EXPH5: variants seen among roughly 807,000 people sequenced by gnomAD.
The protein encoded by EXPH5 is exophilin 5.
Under a neutral mutation model 41.1 loss-of-function variants are expected in EXPH5, and 42 were observed. The ratio of observed to expected loss-of-function variants is 1.02; its 90% CI spans 0.80 to 1.32. The LOEUF (loss-of-function observed/expected upper bound fraction) is 1.32. Ranked by LOEUF, EXPH5 falls within the 40% of genes most tolerant of loss-of-function variation. EXPH5 has a pLI of 0.00. For synonymous variants in EXPH5, 798 were observed against 833.5 expected (o/e 0.96, Z 0.73); for missense variants, 2,298 against 2,314.5 (o/e 0.99, Z 0.15).
chr11:108,580,604 T>G (rs1051320604), intron 1 of EXPH5, among the ~76,000 whole-genome samples: 4 of 152,328 alleles, frequency 2.6e-5, no homozygotes, highest in African/African-American at 9.6e-5. Flanking sequence ...ATAGCTATAC[T>G]TCTATATTTA....
upstream of EXPH5, among the ~76,000 whole-genome samples, chr11:108,593,987 G>A (rs1337330904): frequency 6.6e-6 from 1 of 151,832 alleles, no homozygotes; most frequent in Non-Finnish European, 1.5e-5. Flanking sequence ...CAAAGTATTT[G>A]CTTTTGCTGT....
In EXPH5 at chr11:108,593,405, AT is replaced by A. The variant is rs1432693736; in HGVS notation, c.119+12del. 6.2e-7 allele frequency: 1 copy of A among 1,608,750 alleles called. No individual in the cohort carries two copies. The highest frequency in any genetic ancestry group is 8.5e-7 in the Non-Finnish European group (1 of 1,175,352). ...CCCAGGCCCAGGACAAAAGAAATGA[AT>A]TTGCTCTGTACCTGATCCTGTCCTT... On this transcript the variant is annotated intron_variant, in intron 1 of 5. Transcript: ENST00000265843.
intron 3 of EXPH5, among the ~76,000 whole-genome samples, chr11:108,533,267 G>A (rs558774601): frequency 1.1e-4 from 16 of 151,058 alleles, no homozygotes; most frequent in African/African-American, 3.6e-4. Context: ...GCAGTGGTGC[G>A]ATCTCAGCTC....
intron 1 of EXPH5, among the ~76,000 whole-genome samples, chr11:108,544,137 T>C (rs1173958466): frequency 1.3e-5 from 2 of 152,156 alleles, no homozygotes; most frequent in Admixed American, 6.6e-5. Context: ...AACAACATTT[T>C]CCCCCGTACA....
intron 1 of EXPH5, among the ~76,000 whole-genome samples, chr11:108,582,770 G>T (rs74745826): frequency 6.6e-6 from 1 of 152,180 alleles, no homozygotes; most frequent in Non-Finnish European, 1.5e-5. Flanking sequence ...GTCTGTTCCA[G>T]GCCTCTCTCC....
chr11:108,553,343 C>T (rs920455706), intron 1 of EXPH5, among the ~76,000 whole-genome samples: 1 of 152,104 alleles, frequency 6.6e-6, no homozygotes. Flanking sequence ...ATCACAGTGC[C>T]CTTGGTCTCT....
At chr11:108,592,221 A>G (rs1055975436) in intron 1 of EXPH5, among the ~76,000 whole-genome samples, 8 of 152,186 alleles carry the variant, frequency 5.3e-5, no homozygotes, top group East Asian at 1.9e-4. Context: ...TATGAAATCC[A>G]TATTCCCCAA....
At chr11:108,602,652 G>A in the EXPH5 span, among the ~76,000 whole-genome samples, 2 of 151,922 alleles carry the variant, frequency 1.3e-5, no homozygotes, top group African/African-American at 4.8e-5. Flanking sequence ...GCTCAAGCGA[G>A]TCTACCATGT....
At chr11:108,531,473 G>A (rs1015974894) in intron 3 of EXPH5, among the ~76,000 whole-genome samples, 8 of 152,050 alleles carry the variant, frequency 5.3e-5, no homozygotes, top group African/African-American at 1.9e-4. Context: ...TATGACATAA[G>A]GCTTTTCTTT....
chr11:108,575,111 G>A (rs1032944547), intron 1 of EXPH5, among the ~76,000 whole-genome samples: 1 of 152,190 alleles, frequency 6.6e-6, no homozygotes, highest in African/African-American at 2.4e-5. Flanking sequence ...TATGTGAATA[G>A]ACAATTCACA....
Position 108,550,194 on chromosome 11 carries a change from A to G in EXPH5, c.120-8382T>C, listed in dbSNP as rs543587348. Among the ~76,000 whole-genome samples the G allele has an allele frequency of 3.3e-3, 496 of 152,324 alleles. 1 individual carries two copies. The highest frequency in any genetic ancestry group is 0.011 in the African/African-American group (449 of 41,568). ...CTGAGACTTCTGAGTCCAGGCCTCA[A>G]TGGATCTTATAGCTTCTGCTCTCTT... On this transcript the variant is annotated intron_variant, in intron 1 of 5. Coordinates refer to ENST00000265843, the MANE Select transcript of EXPH5 (RefSeq NM_015065.3).
intron 1 of EXPH5, among the ~76,000 whole-genome samples, chr11:108,567,000 T>C (rs182013497): frequency 4.0e-4 from 61 of 152,364 alleles, no homozygotes; most frequent in Admixed American, 3.3e-3. Flanking sequence ...AACTTCTATT[T>C]TTATCAGAAA....
chr11:108,587,161 T>C (rs531873323), intron 1 of EXPH5, among the ~76,000 whole-genome samples: 3 of 152,228 alleles, frequency 2.0e-5, no homozygotes, highest in Admixed American at 6.5e-5. Flanking sequence ...TTAGGGTACA[T>C]GTGCACAATG....
At chr11:108,515,764 C>T (rs2093721026) in intron 5 of EXPH5, among the ~76,000 whole-genome samples, 1 of 152,132 alleles carries the variant, frequency 6.6e-6, no homozygotes, top group South Asian at 2.1e-4. Flanking sequence ...TACAATGCAA[C>T]CTCTGTGCCA....
intron 1 of EXPH5, among the ~76,000 whole-genome samples, chr11:108,574,809 A>C (rs2640749): frequency 0.49 from 74,784 of 152,116 alleles, 19,051 homozygotes; most frequent in Non-Finnish European, 0.55. Context: ...CTTCCATGAT[A>C]AAAAGGACTC....
chr11:108,529,672 G>A (rs571880410), intron 3 of EXPH5, among the ~76,000 whole-genome samples: 10 of 151,936 alleles, frequency 6.6e-5, no homozygotes, highest in African/African-American at 2.4e-5. Flanking sequence ...TGGTGAAACC[G>A]TGTCTCTACT....
intron 5 of EXPH5, among the ~76,000 whole-genome samples, chr11:108,517,678 C>T (rs2093735524): frequency 6.6e-6 from 1 of 152,176 alleles, no homozygotes; most frequent in East Asian, 1.9e-4. Context: ...TATCACAGTG[C>T]ATTTGGGTCC....
chr11:108,509,892 G>GT lies in EXPH5; in HGVS notation c.5614dup (p.Thr1872AsnfsTer46). ...TATAGATATTGCAGACCTGGGACCT[G>GT]TTTTTGTCCCGCTGCGATAAGCCCA... On this transcript the variant is annotated frameshift_variant, in exon 6 of 6. Coordinates refer to ENST00000265843, the MANE Select transcript of EXPH5 (RefSeq NM_015065.3). LOFTEE classifies it high-confidence loss of function. 1.2e-6 allele frequency: 2 copies of GT among 1,608,542 alleles called. No homozygotes were observed. The highest frequency in any genetic ancestry group is 1.7e-6 in the Non-Finnish European group (2 of 1,178,060).
chr11:108,589,835 C>G (rs530655762), intron 1 of EXPH5, among the ~76,000 whole-genome samples: 9 of 152,090 alleles, frequency 5.9e-5, no homozygotes, highest in African/African-American at 1.9e-4. Flanking sequence ...AATACTCGAC[C>G]TTTTTTAATT....
Sources: gnomAD v4.1 joint callset for allele counts (sites outside exome capture counted in the v4.1 genomes callset) on GRCh38, gnomAD v4.1.1 for gene constraint, MANE v1.5 for transcripts, NCBI Gene and HGNC (gene_info 2026-07-23, HGNC 2026-07-21) for gene names.